The following SOCS7 variants were observed in gnomAD, a reference collection of about 807,000 sequenced individuals.
The protein encoded by SOCS7 is NAP-4.
SOCS7 carries 18 observed loss-of-function variants against 58.9 expected under a neutral mutation model. The observed-to-expected ratio is 0.31, with a 90% CI of 0.21 to 0.45. The LOEUF (loss-of-function observed/expected upper bound fraction) is 0.45. Ranked by LOEUF, SOCS7 falls within the 20% of genes least tolerant of loss-of-function variation. The pLI, the probability that SOCS7 is intolerant of heterozygous loss-of-function variation, is 1.00. For missense variants in SOCS7, 667 were observed against 837.3 expected (o/e 0.80, Z 2.51); for synonymous variants, 388 against 364.3 (o/e 1.06, Z -0.74).
At chr17:38,355,314 A>G (rs1285475484) in intron 1 of SOCS7, among the ~76,000 whole-genome samples, 1 of 152,212 alleles carries the variant, frequency 6.6e-6, no homozygotes, top group East Asian at 1.9e-4. Context: ...AGAGAAATCT[A>G]GATGGAATAT....
intron 6 of SOCS7, among the ~76,000 whole-genome samples, chr17:38,375,399 T>A (rs1320278618): frequency 6.6e-6 from 1 of 152,098 alleles, no homozygotes; most frequent in Non-Finnish European, 1.5e-5. Flanking sequence ...TTTATGAAGA[T>A]CCACTTTATG....
At chr17:38,394,456 T>A (rs1368998525) in intron 7 of SOCS7, among the ~76,000 whole-genome samples, 2 of 152,198 alleles carry the variant, frequency 1.3e-5, no homozygotes, top group African/African-American at 4.8e-5. Context: ...TTGTTAACTT[T>A]GATCCTAGCT....
chr17:38,362,055 A>G (rs2037727643), intron 2 of SOCS7, among the ~76,000 whole-genome samples: 1 of 152,226 alleles, frequency 6.6e-6, no homozygotes, highest in Admixed American at 6.5e-5. Flanking sequence ...GTCATCACAT[A>G]TAAATTAAAA....
chr17:38,366,114 CT>C, intron 4 of SOCS7, 172 bp from the exon 5 acceptor site: 16 of 1,258,856 alleles, frequency 1.3e-5, no homozygotes, highest in Non-Finnish European at 1.7e-5. Flanking sequence ...GCCCACACAG[CT>C]TTTTGTTCCA....
rs1013083940 is a variant in SOCS7 at position 38,399,925 on chromosome 17, G to C, written c.*443G>C. On this transcript the variant is annotated 3_prime_UTR_variant, in exon 10 of 10. Coordinates refer to ENST00000612932, the MANE Select transcript of SOCS7 (RefSeq NM_014598.4). ...GACGGCCATTCAGCTGGTGCCAAAGGCAGAGTTAGAGTCTGTGCTGTGGGC... is the reference window on the plus strand; with the variant it reads ...GACGGCCATTCAGCTGGTGCCAAAGCCAGAGTTAGAGTCTGTGCTGTGGGC... 1.3e-5 allele frequency: 2 copies of C among 152,370 alleles called. No individual in the cohort carries two copies. The highest frequency in any genetic ancestry group is 2.9e-5 in the Non-Finnish European group (2 of 68,134). The allele number at this position is 152,370 out of a possible 1,614,324, so 9.4% of individuals were successfully genotyped here. A position where few individuals can be genotyped will look rare whatever the true frequency, so the allele number is the denominator to read the frequency against.
chr17:38,361,305 G>A (rs1316695576), intron 1 of SOCS7, among the ~76,000 whole-genome samples: 2 of 152,264 alleles, frequency 1.3e-5, no homozygotes, highest in Non-Finnish European at 2.9e-5. Context: ...CTATAGGCAA[G>A]CCCAGAGGGA....
intron 6 of SOCS7, among the ~76,000 whole-genome samples, chr17:38,374,192 C>G (rs947818201): frequency 6.6e-6 from 1 of 152,016 alleles, no homozygotes; most frequent in Non-Finnish European, 1.5e-5. Flanking sequence ...TGCACTCCAG[C>G]CTGGGCGACC....
At chr17:38,365,590 G>A (rs1403252335) in intron 4 of SOCS7, 181 bp downstream of exon 4, 6 of 450,916 alleles carry the variant, frequency 1.3e-5, no homozygotes, top group Admixed American at 4.2e-5. Flanking sequence ...TTCCTAACCC[G>A]TTTTCTTTAT....
At chr17:38,398,090 G>T (rs553227419) in intron 9 of SOCS7, among the ~76,000 whole-genome samples, 4 of 152,258 alleles carry the variant, frequency 2.6e-5, no homozygotes, top group African/African-American at 9.6e-5. Flanking sequence ...ATATATTGGC[G>T]AAGGTTTGAA....
chr17:38,379,191 AAAC>A (rs998517086), intron 7 of SOCS7, among the ~76,000 whole-genome samples: 8 of 151,330 alleles, frequency 5.3e-5, no homozygotes, highest in South Asian at 2.1e-4. Flanking sequence ...AAAAAAAAAA[AAAC>A]AAGGCAGGGG....
intron 7 of SOCS7, among the ~76,000 whole-genome samples, chr17:38,383,295 A>G (rs1385815483): frequency 6.6e-6 from 1 of 152,134 alleles, no homozygotes; most frequent in Non-Finnish European, 1.5e-5. Flanking sequence ...AATATTTAAG[A>G]CAATGCCTGA....
At chr17:38,370,348 T>A (rs2037846621) in intron 6 of SOCS7, among the ~76,000 whole-genome samples, 1 of 152,096 alleles carries the variant, frequency 6.6e-6, no homozygotes, top group Non-Finnish European at 1.5e-5. Flanking sequence ...AAGTAGAATT[T>A]CTTTTTTTTG....
At chr17:38,390,640 T>TTTCCTTCCTTCC (rs60020052) in intron 7 of SOCS7, among the ~76,000 whole-genome samples, 1,643 of 114,330 alleles carry the variant, frequency 0.014, 23 homozygotes, top group African/African-American at 0.018. Context: ...TTTTGTTCGT[T>TTTCCTTCCTTCC]TTCCTTCCTT....
At chr17:38,396,136 T>C in intron 9 of SOCS7, 138 bp downstream of exon 9, 1 of 692,174 alleles carries the variant, frequency 1.4e-6, no homozygotes, top group Non-Finnish European at 2.2e-6. Flanking sequence ...AATGACAAGA[T>C]CTGACCGTGG....
chr17:38,376,598 G>A (rs767539596), intron 6 of SOCS7, among the ~76,000 whole-genome samples: 3 of 152,020 alleles, frequency 2.0e-5, no homozygotes, highest in Non-Finnish European at 2.9e-5. Flanking sequence ...CAGGCGTGGT[G>A]GCAGGTGCCT....
At chr17:38,365,967 C>T in intron 4 of SOCS7, 1 of 1,089,944 alleles carries the variant, frequency 9.2e-7, no homozygotes, top group Non-Finnish European at 1.1e-6. Context: ...CGGCACTTCA[C>T]TTCGAGGTGG....
intron 5 of SOCS7, among the ~76,000 whole-genome samples, chr17:38,367,392 GAC>G (rs768562570): frequency 4.0e-5 from 6 of 148,974 alleles, no homozygotes; most frequent in Non-Finnish European, 7.4e-5. Context: ...TTGTTTTTTT[GAC>G]ACAGAGTCTC....
chr17:38,376,902 C>G (rs968809481), intron 6 of SOCS7, among the ~76,000 whole-genome samples: 2 of 152,136 alleles, frequency 1.3e-5, no homozygotes, highest in Admixed American at 6.6e-5. Context: ...TGTAGTTTTT[C>G]TATGTTTAAA....
chr17:38,380,865 A>G (rs1435996007), intron 7 of SOCS7, among the ~76,000 whole-genome samples: 14 of 151,992 alleles, frequency 9.2e-5, no homozygotes, highest in Admixed American at 9.2e-4. Flanking sequence ...TCTCCAAAAA[A>G]TAAAAATAAA....
Sources: allele counts gnomAD v4.1 joint callset (sites outside exome capture counted in the v4.1 genomes callset), GRCh38; gene constraint gnomAD v4.1.1; transcripts MANE v1.5; gene names NCBI Gene and HGNC (gene_info 2026-07-23, HGNC 2026-07-21).